The following GRM5 variants were observed in gnomAD, a reference collection of about 807,000 sequenced individuals.
GRM5 encodes metabotropic glutamate receptor 5.
GRM5 carries 19 observed loss-of-function variants against 83.1 expected under a neutral mutation model. That is an observed-to-expected ratio of 0.23 (90% CI 0.16 to 0.34). The LOEUF (loss-of-function observed/expected upper bound fraction) is 0.34. Ranked by LOEUF, GRM5 falls within the 10% of genes least tolerant of loss-of-function variation. The probability of loss-of-function intolerance (pLI) is 1.00; values close to 1 mark genes in which losing one functional copy is unlikely to be tolerated. For synonymous variants in GRM5, 675 were observed against 633.6 expected (o/e 1.07, Z -0.98); for missense variants, 1,160 against 1,588.3 (o/e 0.73, Z 4.58).
intron 2 of GRM5, among the ~76,000 whole-genome samples, chr11:88,931,857 C>T (rs532848396): frequency 8.5e-5 from 13 of 152,138 alleles, no homozygotes; most frequent in Non-Finnish European, 1.6e-4. Context: ...TTTATATCTT[C>T]GCTACTGTCT....
chr11:88,903,216 C>T (rs1315812602), intron 2 of GRM5, among the ~76,000 whole-genome samples: 1 of 151,916 alleles, frequency 6.6e-6, no homozygotes, highest in Admixed American at 6.6e-5. Flanking sequence ...AGAGAAAGGA[C>T]TGATTTGGTA....
In GRM5 at chr11:88,905,439, G is replaced by T. The variant is rs574124742; in HGVS notation, c.662-55284C>A. ...GCTCACTGCAGCCTCTGCCTCCCGGGTTCAAGTGATTCTCGTGTCAGCCTC... is the reference window on the plus strand; with the variant it reads ...GCTCACTGCAGCCTCTGCCTCCCGGTTTCAAGTGATTCTCGTGTCAGCCTC... On this transcript the variant is annotated intron_variant, in intron 2 of 9. Coordinates refer to ENST00000305447, the MANE Select transcript of GRM5 (RefSeq NM_001143831.3). Among the ~76,000 whole-genome samples, 12 of 152,226 alleles carry T rather than the reference G, an allele frequency of 7.9e-5. 1 individual carries two copies. The highest frequency in any genetic ancestry group is 2.4e-4 in the African/African-American group (10 of 41,544).
chr11:88,698,766 A>G (rs1940960524), intron 3 of GRM5, among the ~76,000 whole-genome samples: 1 of 152,194 alleles, frequency 6.6e-6, no homozygotes, highest in African/African-American at 2.4e-5. Context: ...TTAATGGTCA[A>G]ATTTTCAGGT....
chr11:89,034,861 T>G (rs1358212163), intron 2 of GRM5, among the ~76,000 whole-genome samples: 38 of 150,352 alleles, frequency 2.5e-4, no homozygotes, highest in Non-Finnish European at 3.6e-4. Flanking sequence ...TTTTTTTTTT[T>G]GGGAGGGAAT....
chr11:88,529,264 G>T (rs956466143), intron 8 of GRM5, among the ~76,000 whole-genome samples: 12 of 151,718 alleles, frequency 7.9e-5, no homozygotes, highest in African/African-American at 2.9e-4. Context: ...TGAATGAGAA[G>T]ATGAAATGTA....
chr11:88,671,767 G>T (rs1940199735), intron 3 of GRM5, among the ~76,000 whole-genome samples: 1 of 152,084 alleles, frequency 6.6e-6, no homozygotes, highest in South Asian at 2.1e-4. Flanking sequence ...TTTGAAGAGT[G>T]TGTTAGACTT....
chr11:88,709,662 G>A (rs1026103817), intron 3 of GRM5, among the ~76,000 whole-genome samples: 4 of 152,088 alleles, frequency 2.6e-5, no homozygotes, highest in Non-Finnish European at 5.9e-5. Context: ...TGGGTGGCTG[G>A]GCTGTTTGCC....
chr11:88,712,619 A>G (rs1941308116), intron 3 of GRM5, among the ~76,000 whole-genome samples: 1 of 152,030 alleles, frequency 6.6e-6, no homozygotes, highest in Admixed American at 6.6e-5. Context: ...TAGGGTTAAA[A>G]TGGTCTTATA....
intron 3 of GRM5, among the ~76,000 whole-genome samples, chr11:88,668,896 T>C (rs765098606): frequency 2.6e-5 from 4 of 152,180 alleles, no homozygotes; most frequent in Non-Finnish European, 5.9e-5. Flanking sequence ...AATCATGAAG[T>C]ATTTGTTTTC....
intron 2 of GRM5, among the ~76,000 whole-genome samples, chr11:89,018,231 A>G (rs534925740): frequency 2.0e-5 from 3 of 152,148 alleles, no homozygotes; most frequent in Non-Finnish European, 4.4e-5. Flanking sequence ...TCTATAGGCC[A>G]AATAGTTGTG....
chr11:88,889,817 G>T (rs368924939), intron 2 of GRM5, among the ~76,000 whole-genome samples: 4 of 152,122 alleles, frequency 2.6e-5, no homozygotes, highest in African/African-American at 9.7e-5. Flanking sequence ...AAAAACAGAG[G>T]AGGTGCCACA....
rs748471366 is a variant in GRM5 at position 88,508,543 on chromosome 11, C to CG, written c.*48dup. ...GCTTGCCATTGTGTGTGTGTGAACA[C>CG]GGGGGGCTCCGCTCCGCACGCGCAG... is the stretch of plus-strand genomic sequence containing the variant. On this transcript the variant is annotated 3_prime_UTR_variant, in exon 10 of 10. Transcript: ENST00000305447. The surrounding 1 kb of genome is among the most constrained non-coding windows in gnomAD (Gnocchi z 4.2). The CG allele has an allele frequency of 1.2e-4, 181 of 1,486,958 alleles. No homozygotes were observed. The highest frequency in any genetic ancestry group is 6.9e-4 in the Middle Eastern group (4 of 5,786). 92.1% of individuals were successfully genotyped at this position (1,486,958 alleles called of 1,614,324 possible). A position where few individuals can be genotyped will look rare whatever the true frequency, so the allele number is the denominator to read the frequency against.
chr11:88,562,857 CA>C (rs1263336194), intron 8 of GRM5, among the ~76,000 whole-genome samples: 2 of 152,122 alleles, frequency 1.3e-5, no homozygotes. Context: ...CAGTGAGACA[CA>C]AGGGCAATTC....
chr11:88,745,520 C>G (rs1942119085), intron 3 of GRM5, among the ~76,000 whole-genome samples: 1 of 152,046 alleles, frequency 6.6e-6, no homozygotes, highest in Non-Finnish European at 1.5e-5. Flanking sequence ...ACTCTTTACT[C>G]TTCACTATAA....
At chr11:88,957,115 A>C (rs1938641526) in intron 2 of GRM5, among the ~76,000 whole-genome samples, 1 of 152,230 alleles carries the variant, frequency 6.6e-6, no homozygotes, top group Admixed American at 6.5e-5. Context: ...CATTCTGTCA[A>C]CGTAAGTTGG....
intron 2 of GRM5, among the ~76,000 whole-genome samples, chr11:88,859,943 A>C (rs1197928786): frequency 6.6e-6 from 1 of 152,180 alleles, no homozygotes; most frequent in African/African-American, 2.4e-5. Flanking sequence ...ACAACGCTTA[A>C]TCATAGCTTT....
intron 3 of GRM5, among the ~76,000 whole-genome samples, chr11:88,704,177 T>A (rs1448837278): frequency 6.6e-6 from 1 of 152,030 alleles, no homozygotes; most frequent in East Asian, 1.9e-4. Context: ...CATAATCTAA[T>A]CCTCTTTATC....
chr11:88,671,976 A>G (rs1404136250), intron 3 of GRM5, among the ~76,000 whole-genome samples: 6 of 152,032 alleles, frequency 3.9e-5, no homozygotes, highest in African/African-American at 4.8e-5. Flanking sequence ...CTTAAAATTT[A>G]ATTTCTGATT....
In GRM5 at chr11:88,875,799, G is replaced by C. The variant is rs181177967; in HGVS notation, c.662-25644C>G. Among the ~76,000 whole-genome samples the C allele has an allele frequency of 1.5e-3, 233 of 152,106 alleles. 1 individual carries two copies. Among genetic ancestry groups the C allele is most frequent in the African/African-American group, 5.2e-3 (217 of 41,530 alleles). Reference sequence around the variant, plus strand: ...CATTGTCATAAAGCAGTAATATTTTGAAAGGAAGCTTTTCTTCTTAAGAGT... The same window carrying C: ...CATTGTCATAAAGCAGTAATATTTTCAAAGGAAGCTTTTCTTCTTAAGAGT... On this transcript the variant is annotated intron_variant, in intron 2 of 9. Coordinates refer to ENST00000305447, the MANE Select transcript of GRM5 (RefSeq NM_001143831.3).
Sources: gnomAD v4.1 joint callset for allele counts (sites outside exome capture counted in the v4.1 genomes callset) on GRCh38, gnomAD v4.1.1 for gene constraint, Gnocchi (gnomAD v3.1) non-coding constraint, MANE v1.5 for transcripts, NCBI Gene and HGNC (gene_info 2026-07-23, HGNC 2026-07-21) for gene names.